THSD7A: variants seen among roughly 807,000 people sequenced by gnomAD.
THSD7A encodes the protein thrombospondin type 1 domain containing 7A.
A neutral mutation model predicts 231.3 loss-of-function variants in THSD7A; 96 were observed. That is an observed-to-expected ratio of 0.41 (90% CI 0.35 to 0.49). THSD7A has a LOEUF of 0.49. Among genes scored for constraint, THSD7A ranks in the 20% least tolerant of loss-of-function variants. The probability of loss-of-function intolerance (pLI) is 0.05; values close to 1 mark genes in which losing one functional copy is unlikely to be tolerated. For synonymous variants in THSD7A, 940 were observed against 743.3 expected (o/e 1.26, Z -4.30); for missense variants, 2,290 against 2,070.2 (o/e 1.11, Z -2.06).
At chr7:11,714,446 A>AT (rs1422844693) in intron 1 of THSD7A, among the ~76,000 whole-genome samples, 1 of 151,128 alleles carries the variant, frequency 6.6e-6, no homozygotes, top group African/African-American at 2.4e-5. Context: ...TTTACTTTCC[A>AT]TTTTGTATAG....
At chr7:11,620,024 T>C (rs1381602583) in intron 2 of THSD7A, among the ~76,000 whole-genome samples, 3 of 152,152 alleles carry the variant, frequency 2.0e-5, no homozygotes, top group African/African-American at 7.2e-5. Context: ...ATAAAAAGAA[T>C]AAGTTGGCAA....
chr7:11,499,216 G>C (rs1231645579), intron 6 of THSD7A, among the ~76,000 whole-genome samples: 1 of 152,174 alleles, frequency 6.6e-6, no homozygotes, highest in East Asian at 1.9e-4. Context: ...CTTGTCACCA[G>C]ACAGGGAACT....
intron 2 of THSD7A, among the ~76,000 whole-genome samples, chr7:11,615,688 A>G (rs1182855221): frequency 1.3e-5 from 2 of 152,204 alleles, no homozygotes; most frequent in African/African-American, 4.8e-5. Context: ...CTATAGTACA[A>G]GAGCACAACC....
chr7:11,521,132 G>T (rs941566743), intron 6 of THSD7A, among the ~76,000 whole-genome samples: 10 of 152,072 alleles, frequency 6.6e-5, no homozygotes, highest in African/African-American at 2.2e-4. Flanking sequence ...GTACTACACA[G>T]ACATTTCATA....
At chr7:11,409,036 T>A (rs1783685867) in intron 19 of THSD7A, among the ~76,000 whole-genome samples, 1 of 152,238 alleles carries the variant, frequency 6.6e-6, no homozygotes, top group African/African-American at 2.4e-5. Context: ...AGTCCTGTAC[T>A]ACTTTTTTCC....
intron 1 of THSD7A, among the ~76,000 whole-genome samples, chr7:11,815,267 G>C (rs1392455773): frequency 1.3e-5 from 2 of 151,394 alleles, no homozygotes; most frequent in Non-Finnish European, 2.9e-5. Context: ...TTTGTTTTTA[G>C]TTGAACCTTG....
At chr7:11,382,462 C>T (rs1400020229) in intron 24 of THSD7A, 59 bp downstream of exon 24, 15 of 1,349,318 alleles carry the variant, frequency 1.1e-5, no homozygotes, top group Non-Finnish European at 1.5e-5. Context: ...TTTTCTTCAA[C>T]CAATCACATG....
chr7:11,674,134 G>C (rs996794273), intron 1 of THSD7A, among the ~76,000 whole-genome samples: 1 of 151,978 alleles, frequency 6.6e-6, no homozygotes, highest in Non-Finnish European at 1.5e-5. Context: ...CCCTAAGGTA[G>C]GGTAGAGCAA....
intron 6 of THSD7A, among the ~76,000 whole-genome samples, chr7:11,524,870 T>A (rs1037242290): frequency 2.0e-5 from 3 of 152,174 alleles, no homozygotes; most frequent in Non-Finnish European, 2.9e-5. Flanking sequence ...AAAGGAAGAG[T>A]TCAAAAAAAG....
intron 1 of THSD7A, among the ~76,000 whole-genome samples, chr7:11,804,124 C>T (rs1437555460): frequency 1.3e-5 from 2 of 152,144 alleles, no homozygotes; most frequent in Middle Eastern, 3.4e-3. Context: ...ATTTTTACAA[C>T]ATATCTTTTG....
intron 2 of THSD7A, among the ~76,000 whole-genome samples, chr7:11,631,328 T>C (rs528203767): frequency 6.6e-6 from 1 of 152,216 alleles, no homozygotes; most frequent in African/African-American, 2.4e-5. Flanking sequence ...TTGATTGGGG[T>C]TACTGGGTGA....
chr7:11,568,050 A>G (rs1790440716), intron 4 of THSD7A, among the ~76,000 whole-genome samples: 1 of 152,160 alleles, frequency 6.6e-6, no homozygotes, highest in Non-Finnish European at 1.5e-5. Context: ...GTCACTCAAA[A>G]TCTTGTTATT....
rs143083159 is a variant in THSD7A, at chr7:11,569,729, T to C, written c.1453+20731A>G. ...AGGGATACCTGCATCCCCATGTTTA[T>C]GGCAGCACTATTCACTATTTATAGC... On this transcript the variant is annotated intron_variant, in intron 4 of 27. Coordinates refer to ENST00000423059, the MANE Select transcript of THSD7A (RefSeq NM_015204.3). Among the ~76,000 whole-genome samples, 193 of 152,344 alleles carry C rather than the reference T, an allele frequency of 1.3e-3. 2 individuals are homozygous for C. Among genetic ancestry groups the C allele is most frequent in the African/African-American group, 4.3e-3 (180 of 41,576 alleles).
Position 11,814,244 on chromosome 7 carries a change from T to G in THSD7A, c.190+17513A>C, listed in dbSNP as rs1483627344. On this transcript the variant is annotated intron_variant, in intron 1 of 27. Coordinates refer to ENST00000423059, the MANE Select transcript of THSD7A (RefSeq NM_015204.3). The surrounding 1 kb of genome is among the most constrained non-coding windows in gnomAD (Gnocchi z 5.1). The stretch of plus-strand genomic sequence containing the variant: ...GTGGATATGCTAAAAGCCATTGAAT[T>G]GTATGCTTTAAATGGGTGATTGCAT... Among the ~76,000 whole-genome samples the G allele has an allele frequency of 6.6e-6, 1 of 152,154 alleles. No individual in the cohort carries two copies. The highest frequency in any genetic ancestry group is 2.4e-5 in the African/African-American group (1 of 41,452).
intron 6 of THSD7A, among the ~76,000 whole-genome samples, chr7:11,518,668 C>T (rs10254542): frequency 0.16 from 24,535 of 151,924 alleles, 2,336 homozygotes; most frequent in African/African-American, 0.27. Flanking sequence ...GAAATTGTAT[C>T]ACCCAAAAAG....
intron 1 of THSD7A, among the ~76,000 whole-genome samples, chr7:11,768,975 T>C (rs1783118450): frequency 6.7e-6 from 1 of 149,808 alleles, no homozygotes; most frequent in Non-Finnish European, 1.5e-5. Flanking sequence ...TTGATTTTTT[T>C]GAGATGGACT....
chr7:11,724,982 G>T (rs1297600781), intron 1 of THSD7A, among the ~76,000 whole-genome samples: 1 of 151,634 alleles, frequency 6.6e-6, no homozygotes, highest in Non-Finnish European at 1.5e-5. Flanking sequence ...TAACTCTGAT[G>T]CAAGACTTAA....
chr7:11,549,571 G>A (rs1214477271), intron 4 of THSD7A, among the ~76,000 whole-genome samples: 3 of 151,930 alleles, frequency 2.0e-5, no homozygotes, highest in South Asian at 2.1e-4. Context: ...AATCTCATAC[G>A]TATACATTAT....
chr7:11,646,334 G>A (rs929099952), intron 1 of THSD7A, among the ~76,000 whole-genome samples: 8 of 152,016 alleles, frequency 5.3e-5, no homozygotes. Context: ...AATGTGATTG[G>A]CAGCAGAGTA....
Sources: allele counts gnomAD v4.1 joint callset (sites outside exome capture counted in the v4.1 genomes callset), GRCh38; gene constraint gnomAD v4.1.1; non-coding constraint Gnocchi (gnomAD v3.1); transcripts MANE v1.5; gene names NCBI Gene and HGNC (gene_info 2026-07-23, HGNC 2026-07-21).